PARP9: variants seen among roughly 807,000 people sequenced by gnomAD.
The protein encoded by PARP9 is poly(ADP-ribose) polymerase family member 9, also known as protein mono-ADP-ribosyltransferase PARP9.
In PARP9, 48 loss-of-function variants were observed where a neutral mutation model predicts 68.8. The ratio of observed to expected loss-of-function variants is 0.70; its 90% CI spans 0.55 to 0.89. The LOEUF (loss-of-function observed/expected upper bound fraction) is 0.89, where lower values mean the gene tolerates loss of function less well. PARP9 is among the 40% of genes least tolerant of loss of function. PARP9 has a pLI of 0.00. For missense variants in PARP9, 806 were observed against 969.3 expected, an observed-to-expected ratio of 0.83 and a Z score of 2.24; for synonymous variants, 309 against 333.8, an observed-to-expected ratio of 0.93 and a Z score of 0.81.
intron 8 of PARP9, among the ~76,000 whole-genome samples, chr3:122,539,854 G>C (rs546928925): frequency 6.6e-6 from 1 of 152,178 alleles, no homozygotes; most frequent in African/African-American, 2.4e-5. Flanking sequence ...GTGAGCCACC[G>C]TGCCCAGCCC....
chr3:122,564,256 C>A lies in PARP9; in HGVS notation c.-101G>T. The A allele has an allele frequency of 1.3e-6, 1 of 783,746 alleles. No homozygotes were observed. The highest frequency in any genetic ancestry group is 1.9e-6 in the Non-Finnish European group (1 of 529,026). 48.5% of individuals were successfully genotyped at this position (783,746 alleles called of 1,614,324 possible). ...CCGGACCTACTCACCCGGCAGGCCG[C>A]TCTCCTCGGTGCAGACAGCACAGGG... is the stretch of plus-strand genomic sequence containing the variant. On this transcript the variant is annotated 5_prime_UTR_variant, in exon 1 of 11. Coordinates refer to ENST00000682323, the MANE Select transcript of PARP9 (RefSeq NM_001146105.2).
chr3:122,548,179 C>T (rs919482217), intron 6 of PARP9, among the ~76,000 whole-genome samples: 4 of 152,156 alleles, frequency 2.6e-5, no homozygotes, highest in Non-Finnish European at 4.4e-5. Flanking sequence ...CAAATCTCCC[C>T]GTGTTTAATT....
Position 122,544,969 on chromosome 3 carries a change from G to T in PARP9, c.1384+463C>A, listed in dbSNP as rs150785358. ...CAAATACATATTTTGGGGGTTTTGC[G>T]TTTGTTTGTTTTTTAAAGTTTCCAT... On this transcript the variant is annotated intron_variant, in intron 7 of 10. Transcript: ENST00000682323. Among the ~76,000 whole-genome samples, 879 of 152,280 alleles carry T rather than the reference G, an allele frequency of 5.8e-3. 7 individuals carry two copies. The highest frequency in any genetic ancestry group is 0.02 in the African/African-American group (842 of 41,564).
rs778914342 is a variant in PARP9 at position 122,550,752 on chromosome 3, A to G, written c.1158T>C (p.Asn386=). ...GGGCAGGAAAGGAAATGGAAGTTAT[A>G]TTTTGCTCAATGCATTTTTCCAAAC... ...KECLEKCIEQ[N]ITSISFPALG... Residue 386 remains asparagine, a synonymous_variant, in exon 6 of 11, where the codon AAT becomes AAC. Coordinates refer to ENST00000682323, the MANE Select transcript of PARP9 (RefSeq NM_001146105.2). The G allele has an allele frequency of 6.2e-7, 1 of 1,614,068 alleles. No homozygotes were observed. The highest frequency in any genetic ancestry group is 8.5e-7 in the Non-Finnish European group (1 of 1,180,018).
At chr3:122,530,575 G>A (rs539564371) in intron 10 of PARP9, among the ~76,000 whole-genome samples, 4 of 152,288 alleles carry the variant, frequency 2.6e-5, no homozygotes, top group Non-Finnish European at 4.4e-5. Context: ...TCTGGATCTC[G>A]AAGTAATCCC....
At chr3:122,545,686 C>T in intron 6 of PARP9, 197 bp from the exon 7 acceptor site, 1 of 555,928 alleles carries the variant, frequency 1.8e-6, no homozygotes, top group East Asian at 2.9e-5. Flanking sequence ...AAAGAATAAG[C>T]ATAGGAAAAA....
At position 122,559,601 on chromosome 3, in the gene PARP9, T is replaced by C. The variant is rs990864427; in HGVS notation, c.15+5A>G. 5 of 1,590,882 alleles carry C rather than the reference T, an allele frequency of 3.1e-6. No homozygotes were observed. The highest frequency in any genetic ancestry group is 4.3e-6 in the Non-Finnish European group (5 of 1,168,648). On this transcript the variant is annotated splice_donor_5th_base_variant and intron_variant, in intron 2 of 10. Coordinates refer to ENST00000682323, the MANE Select transcript of PARP9 (RefSeq NM_001146105.2). ...TCATGACGTATACACATTTATGCTT[T>C]TTACCATGGAAAAGTCCATCCTCCA...
At chr3:122,544,743 G>A (rs2078560161) in intron 7 of PARP9, among the ~76,000 whole-genome samples, 1 of 152,192 alleles carries the variant, frequency 6.6e-6, no homozygotes, top group South Asian at 2.1e-4. Flanking sequence ...GACTTAGGTG[G>A]GAGGATGGCT....
At chr3:122,531,155 G>A (rs1470866274) in intron 10 of PARP9, among the ~76,000 whole-genome samples, 2 of 152,130 alleles carry the variant, frequency 1.3e-5, no homozygotes, top group Non-Finnish European at 2.9e-5. Context: ...CACATTTCAA[G>A]TGCTCAATAG....
Position 122,540,929 on chromosome 3 carries a change from C to G in PARP9, c.1385-77G>C, listed in dbSNP as rs376395906. On this transcript the variant is annotated intron_variant, in intron 7 of 10. Transcript: ENST00000682323. ...TTTTTGAGATGGAGTCTCGCTCTGT[C>G]TCACAAGCTGGAGTGCAGTGCTGCG... 247 of 1,461,882 alleles carry G rather than the reference C, an allele frequency of 1.7e-4. No homozygotes were observed. The African/African-American group carries it at 3.1e-3, about 18-fold the overall frequency. 90.6% of individuals were successfully genotyped at this position (1,461,882 alleles called of 1,614,324 possible). A position where few individuals can be genotyped will look rare whatever the true frequency, so the allele number is the denominator to read the frequency against.
chr3:122,558,205 AGTCTCACATT>A, intron 3 of PARP9: 1 of 1,226,474 alleles, frequency 8.2e-7, no homozygotes, highest in Non-Finnish European at 1.1e-6. Context: ...TCGTTAAAAG[AGTCTCACATT>A]TACGGGCAAA....
intron 10 of PARP9, among the ~76,000 whole-genome samples, chr3:122,531,582 C>T (rs921768466): frequency 3.3e-5 from 5 of 152,056 alleles, no homozygotes; most frequent in African/African-American, 1.2e-4. Flanking sequence ...ATGGTGAAAC[C>T]CCGTATAACT....
chr3:122,531,146 A>G (rs2077279051), intron 10 of PARP9, among the ~76,000 whole-genome samples: 1 of 152,212 alleles, frequency 6.6e-6, no homozygotes, highest in African/African-American at 2.4e-5. Flanking sequence ...TAGACCGGCC[A>G]CATTTCAAGT....
intron 8 of PARP9, among the ~76,000 whole-genome samples, chr3:122,537,334 T>C (rs1454749805): frequency 3.9e-5 from 6 of 152,240 alleles, no homozygotes; most frequent in Non-Finnish European, 8.8e-5. Flanking sequence ...TACTTGCTTC[T>C]CCACAATCAA....
At chr3:122,556,655 A>G (rs2079695727) in intron 3 of PARP9, among the ~76,000 whole-genome samples, 1 of 152,118 alleles carries the variant, frequency 6.6e-6, no homozygotes, top group Non-Finnish European at 1.5e-5. Context: ...AGGAAATACT[A>G]GGGCCTTGGG....
At chr3:122,536,501 T>A in intron 9 of PARP9, 159 bp from the exon 10 acceptor site, 1 of 1,288,006 alleles carries the variant, frequency 7.8e-7, no homozygotes, top group Non-Finnish European at 1.0e-6. Flanking sequence ...CTCCTCCCTC[T>A]AATCCTCTCC....
chr3:122,535,260 T>A (rs942637632), intron 10 of PARP9: 1 of 985,246 alleles, frequency 1.0e-6, no homozygotes, highest in African/African-American at 1.7e-5. Context: ...AGGGATTCAT[T>A]TCTCTATTTT....
rs2077061537 is a variant in PARP9, at chr3:122,527,973, T to C, written c.*391A>G. The C allele has an allele frequency of 6.5e-6, 1 of 154,684 alleles. No individual in the cohort carries two copies. The highest frequency in any genetic ancestry group is 1.4e-5 in the Non-Finnish European group (1 of 69,852). The allele number at this position is 154,684 out of a possible 1,614,324, so 9.6% of individuals were successfully genotyped here. A position where few individuals can be genotyped will look rare whatever the true frequency, so the allele number is the denominator to read the frequency against. On this transcript the variant is annotated 3_prime_UTR_variant, in exon 11 of 11. Transcript: ENST00000682323. Reference sequence around the variant, plus strand: ...TTCATACCTAAAGCACTTTATAATATTCTCTGGAAAATCTAAAATCATTCT... The same window carrying C: ...TTCATACCTAAAGCACTTTATAATACTCTCTGGAAAATCTAAAATCATTCT...
intron 8 of PARP9, among the ~76,000 whole-genome samples, chr3:122,537,821 T>A (rs986452165): frequency 6.6e-6 from 1 of 152,044 alleles, no homozygotes; most frequent in Non-Finnish European, 1.5e-5. Flanking sequence ...CCTTACTTCC[T>A]TCTTTCCTTC....
Sources: allele counts gnomAD v4.1 joint callset (sites outside exome capture counted in the v4.1 genomes callset), GRCh38; gene constraint gnomAD v4.1.1; transcripts MANE v1.5; gene names NCBI Gene and HGNC (gene_info 2026-07-23, HGNC 2026-07-21).